Variants in GPRIN3 observed in about 807,000 individuals in gnomAD.
The protein encoded by GPRIN3 is GPRIN family member 3.
GPRIN3 carries 12 observed loss-of-function variants against 13.7 expected under a neutral mutation model. That is an observed-to-expected ratio of 0.87 (90% CI 0.56 to 1.42). The LOEUF is 1.42. Ranked by LOEUF, GPRIN3 falls within the 40% of genes most tolerant of loss-of-function variation. The pLI is 0.00. For missense variants in GPRIN3, 1,009 were observed against 958.7 expected (o/e 1.05, Z -0.69); for synonymous variants, 377 against 372.7 (o/e 1.01, Z -0.13).
chr4:89,248,074 C>T lies in GPRIN3; in HGVS notation c.2037G>A (p.Lys679=). The T allele has an allele frequency of 6.2e-7, 1 of 1,614,144 alleles. No individual in the cohort carries two copies. The highest frequency in any genetic ancestry group is 1.1e-5 in the South Asian group (1 of 91,086). The stretch of plus-strand genomic sequence containing the variant: ...CATCCCACACGACGTCCCTGACACG[C>T]TTGGACTGTTTCAGCTGGAGCTTGG... ...ADSKLQLKQS[K]RVRDVVWDEQ... is the part of the protein sequence containing the mutation. The change falls in exon 2 of 2, where the codon AAG becomes AAA. Residue 679 remains lysine, a synonymous_variant. Transcript: ENST00000609438.
At chr4:89,259,147 G>A (rs1279800891) in intron 1 of GPRIN3, among the ~76,000 whole-genome samples, 1 of 152,144 alleles carries the variant, frequency 6.6e-6, no homozygotes, top group African/African-American at 2.4e-5. Flanking sequence ...GTAACATTTA[G>A]CTAACTTGAA....
chr4:89,304,642 G>A (rs1724987089), intron 1 of GPRIN3, among the ~76,000 whole-genome samples: 1 of 152,066 alleles, frequency 6.6e-6, no homozygotes, highest in African/African-American at 2.4e-5. Context: ...GGCCTTTGGG[G>A]TCTGTTTAGC....
intron 1 of GPRIN3, among the ~76,000 whole-genome samples, chr4:89,279,383 C>T (rs1414755485): frequency 2.0e-5 from 3 of 152,178 alleles, no homozygotes; most frequent in African/African-American, 7.2e-5. Flanking sequence ...TGTGTTCCCA[C>T]TTCATTTGGA....
intron 1 of GPRIN3, among the ~76,000 whole-genome samples, chr4:89,301,721 T>C (rs1301714319): frequency 6.6e-6 from 1 of 152,244 alleles, no homozygotes; most frequent in Non-Finnish European, 1.5e-5. Flanking sequence ...CTATTTGCAA[T>C]TCAAGTTTTA....
At position 89,249,141 on chromosome 4, in the gene GPRIN3, C is replaced by CT; in HGVS notation, c.969_970insA (p.Ala324SerfsTer28). Reference sequence around the variant, plus strand: ...GATCTGCTCTCGACACTCGCCACTGCCTGCACCTCCGCATCTTGCCAAGCC... The same window carrying CT: ...GATCTGCTCTCGACACTCGCCACTGCTCTGCACCTCCGCATCTTGCCAAGCC... On this transcript the variant is annotated frameshift_variant, in exon 2 of 2. Coordinates refer to ENST00000609438, the MANE Select transcript of GPRIN3 (RefSeq NM_198281.3). LOFTEE classifies it low-confidence loss of function (END_TRUNC). The CT allele has an allele frequency of 6.2e-7, 1 of 1,614,204 alleles. No individual in the cohort carries two copies.
In GPRIN3 at chr4:89,239,655, T is replaced by C. The variant is rs1722871438; in HGVS notation, c.*8125A>G. The stretch of plus-strand genomic sequence containing the variant: ...TCTCTATCAAGGGGTGATTCTGGTA[T>C]TTCCATTTATATTTTCTTTTTTTTG... On this transcript the variant is annotated 3_prime_UTR_variant, in exon 2 of 2. Transcript: ENST00000609438. The C allele has an allele frequency of 6.6e-6, 1 of 152,194 alleles. No homozygotes were observed. The highest frequency in any genetic ancestry group is 2.1e-4 in the South Asian group (1 of 4,838). 9.4% of individuals were successfully genotyped at this position (152,194 alleles called of 1,614,324 possible).
At chr4:89,269,468 C>A (rs570285037) in intron 1 of GPRIN3, among the ~76,000 whole-genome samples, 2 of 152,146 alleles carry the variant, frequency 1.3e-5, no homozygotes, top group Non-Finnish European at 2.9e-5. Context: ...TTTCTCCTAC[C>A]TCCTCCAAAA....
intron 1 of GPRIN3, among the ~76,000 whole-genome samples, chr4:89,256,050 A>T (rs946399244): frequency 2.6e-5 from 4 of 152,162 alleles, no homozygotes; most frequent in African/African-American, 9.7e-5. Context: ...ACAGGGAGGG[A>T]AACTGAGGCC....
In GPRIN3 at chr4:89,248,667, T is replaced by G; in HGVS notation, c.1444A>C (p.Ser482Arg). The G allele has an allele frequency of 6.2e-7, 1 of 1,614,088 alleles. No individual in the cohort carries two copies. The highest frequency in any genetic ancestry group is 8.5e-7 in the Non-Finnish European group (1 of 1,179,986). The change falls in exon 2 of 2, where the codon AGT (serine) becomes CGT (arginine). Residue 482 changes from serine to arginine, a missense_variant. Ser to Arg is a moderately radical substitution (Grantham distance 110). Transcript: ENST00000609438. The part of the protein sequence containing the change: ...SISACSQAET[S>R]YGLGKFETRP... ...GTTTCAAATTTCCCCAATCCATAAC[T>G]TGTTTCAGCTTGACTGCATGCACTG...
chr4:89,238,052 A>C lies in GPRIN3; in HGVS notation c.*9728T>G, dbSNP rs541939280. On this transcript the variant is annotated 3_prime_UTR_variant, in exon 2 of 2. Transcript: ENST00000609438. ...TAATTTGACCAAGAATAAATGTTTA[A>C]GTATGCAAGAGTTAGAGAATGGCAG... 1 of 152,324 alleles carries C rather than the reference A, an allele frequency of 6.6e-6. No individual in the cohort carries two copies. The highest frequency in any genetic ancestry group is 2.1e-4 in the South Asian group (1 of 4,832). 9.4% of individuals were successfully genotyped at this position (152,324 alleles called of 1,614,324 possible).
At chr4:89,294,223 T>C (rs1724669787) in intron 1 of GPRIN3, among the ~76,000 whole-genome samples, 1 of 152,222 alleles carries the variant, frequency 6.6e-6, no homozygotes, top group Non-Finnish European at 1.5e-5. Context: ...TGGAAAGTTA[T>C]GTCACTCATG....
intron 1 of GPRIN3, among the ~76,000 whole-genome samples, chr4:89,281,059 G>GT (rs1017419855): frequency 6.6e-6 from 1 of 151,896 alleles, no homozygotes; most frequent in African/African-American, 2.4e-5. Context: ...GAAGGTGAAG[G>GT]GGGGGGATAA....
chr4:89,240,066 C>T lies in GPRIN3; in HGVS notation c.*7714G>A, dbSNP rs1163690235. 1 of 152,106 alleles carries T rather than the reference C, an allele frequency of 6.6e-6. No homozygotes were observed. Among genetic ancestry groups the T allele is most frequent in the Non-Finnish European group, 1.5e-5 (1 of 68,024 alleles). The allele number at this position is 152,106 out of a possible 1,614,324, so 9.4% of individuals were successfully genotyped here. A position where few individuals can be genotyped will look rare whatever the true frequency, so the allele number is the denominator to read the frequency against. On this transcript the variant is annotated 3_prime_UTR_variant, in exon 2 of 2. Transcript: ENST00000609438. ...TAAGAACCAGGTGAGACTTTTTGAT[C>T]CCTAATAGAGCACTTCCTTTGAGAA... is the stretch of plus-strand genomic sequence containing the variant.
chr4:89,270,984 T>C lies in GPRIN3; in HGVS notation c.-123-20751A>G, dbSNP rs534083853. 1.5e-4 allele frequency among the ~76,000 whole-genome samples: 23 copies of C among 152,122 alleles called. No individual in the cohort carries two copies. In the South Asian group the frequency reaches 3.5e-3, roughly 23 times the overall value. ...TAGGTACCGTGGTCAGGCTGTGAAG[T>C]GGAAGGATCTGACTAGTGTTTTGAA... On this transcript the variant is annotated intron_variant, in intron 1 of 1. Coordinates refer to ENST00000609438, the MANE Select transcript of GPRIN3 (RefSeq NM_198281.3).
intron 1 of GPRIN3, among the ~76,000 whole-genome samples, chr4:89,273,943 A>C (rs1724027089): frequency 6.6e-6 from 1 of 152,244 alleles, no homozygotes; most frequent in African/African-American, 2.4e-5. Flanking sequence ...CTAAGTGCTA[A>C]AGTGGGCACT....
intron 1 of GPRIN3, among the ~76,000 whole-genome samples, chr4:89,287,075 T>C (rs1724442743): frequency 6.6e-6 from 1 of 152,188 alleles, no homozygotes; most frequent in Non-Finnish European, 1.5e-5. Context: ...AACAAATGAA[T>C]TCAAGAACTA....
intron 1 of GPRIN3, among the ~76,000 whole-genome samples, chr4:89,284,726 GA>G (rs1443706336): frequency 6.6e-6 from 1 of 152,170 alleles, no homozygotes; most frequent in African/African-American, 2.4e-5. Context: ...GGCAGTGGGG[GA>G]GATCTGATCT....
At chr4:89,298,933 C>T (rs1468879199) in intron 1 of GPRIN3, among the ~76,000 whole-genome samples, 1 of 152,058 alleles carries the variant, frequency 6.6e-6, no homozygotes, top group East Asian at 1.9e-4. Flanking sequence ...CACTCAAAAG[C>T]CACAAACCCC....
chr4:89,291,436 G>GT (rs1439179348), intron 1 of GPRIN3, among the ~76,000 whole-genome samples: 16 of 152,146 alleles, frequency 1.1e-4, no homozygotes, highest in African/African-American at 3.9e-4. Context: ...GCACCTAGCT[G>GT]TTTCAGTCTG....
Sources: allele counts gnomAD v4.1 joint callset (sites outside exome capture counted in the v4.1 genomes callset), GRCh38; gene constraint gnomAD v4.1.1; transcripts MANE v1.5; gene names NCBI Gene and HGNC (gene_info 2026-07-23, HGNC 2026-07-21).